Variants in AGMO observed in about 807,000 individuals in gnomAD.
AGMO encodes the protein glyceryl-ether monooxygenase.
In AGMO, 75 loss-of-function variants were observed where a neutral mutation model predicts 60.2. The observed-to-expected ratio is 1.25, with a 90% CI of 1.03 to 1.51. The LOEUF (loss-of-function observed/expected upper bound fraction) is 1.51. AGMO is among the 40% of genes most tolerant of loss of function. The pLI is 0.00. For synonymous variants in AGMO, 261 were observed against 177.1 expected (o/e 1.47, Z -3.76); for missense variants, 763 against 525.5 (o/e 1.45, Z -4.42).
intron 3 of AGMO, among the ~76,000 whole-genome samples, chr7:15,472,096 TATC>T (rs1782463183): frequency 6.6e-6 from 1 of 151,924 alleles, no homozygotes; most frequent in Non-Finnish European, 1.5e-5. Flanking sequence ...TATTAAATTC[TATC>T]ATCTCATGGT....
intron 12 of AGMO, among the ~76,000 whole-genome samples, chr7:15,254,109 T>G: frequency 6.6e-6 from 1 of 152,232 alleles, no homozygotes; most frequent in Admixed American, 6.5e-5. Context: ...ATATTTTCTT[T>G]TTATTCTTTC....
intron 6 of AGMO, among the ~76,000 whole-genome samples, chr7:15,393,268 CTTCAGGGA>C (rs1214287363): frequency 1.4e-4 from 21 of 152,280 alleles, no homozygotes; most frequent in Admixed American, 5.2e-4. Context: ...AAAGGCAGGG[CTTCAGGGA>C]TTCAGGGTTG....
chr7:15,401,494 C>T (rs377688640), intron 5 of AGMO, among the ~76,000 whole-genome samples: 1 of 152,088 alleles, frequency 6.6e-6, no homozygotes, highest in South Asian at 2.1e-4. Flanking sequence ...CTCCTCTTAC[C>T]TCATTCTGAC....
At chr7:15,354,396 ACG>A (rs1583446521) in intron 12 of AGMO, among the ~76,000 whole-genome samples, 4 of 33,172 alleles carry the variant, frequency 1.2e-4, no homozygotes, top group African/African-American at 1.1e-3. Flanking sequence ...GTGTGTATAC[ACG>A]TGTGTGTACA....
At chr7:15,308,437 T>C (rs1780676677) in intron 12 of AGMO, among the ~76,000 whole-genome samples, 1 of 152,138 alleles carries the variant, frequency 6.6e-6, no homozygotes, top group Non-Finnish European at 1.5e-5. Context: ...CTCTATACTC[T>C]TACAGCGTTT....
intron 12 of AGMO, among the ~76,000 whole-genome samples, chr7:15,350,285 G>A (rs1386016124): frequency 6.6e-6 from 1 of 152,078 alleles, no homozygotes; most frequent in South Asian, 2.1e-4. Flanking sequence ...ATAAAATTAT[G>A]TATAAATATT....
chr7:15,365,431 A>G, intron 12 of AGMO, 83 bp downstream of exon 12: 1 of 702,512 alleles, frequency 1.4e-6, no homozygotes, highest in Non-Finnish European at 2.3e-6. Context: ...TCAGAAATGA[A>G]GTAGAGAAAA....
At chr7:15,415,514 G>A (rs1780740098) in intron 5 of AGMO, among the ~76,000 whole-genome samples, 2 of 151,900 alleles carry the variant, frequency 1.3e-5, no homozygotes, top group Non-Finnish European at 2.9e-5. Flanking sequence ...CTGTACTCCA[G>A]CCTGGCAACA....
intron 10 of AGMO, 130 bp downstream of exon 10, chr7:15,385,316 G>C (rs957097615): frequency 1.7e-5 from 10 of 596,340 alleles, no homozygotes; most frequent in African/African-American, 7.7e-5. Context: ...ATTTAAATGT[G>C]AGACGTTGCC....
intron 10 of AGMO, among the ~76,000 whole-genome samples, chr7:15,384,326 G>C: frequency 6.6e-6 from 1 of 152,238 alleles, no homozygotes; most frequent in South Asian, 2.1e-4. Flanking sequence ...TATTTTTAAA[G>C]TTTATTTTAA....
At chr7:15,534,328 C>G (rs1043080000) in intron 3 of AGMO, among the ~76,000 whole-genome samples, 1 of 151,798 alleles carries the variant, frequency 6.6e-6, no homozygotes, top group Non-Finnish European at 1.5e-5. Context: ...TCATGTAAAT[C>G]TTTAAAATAG....
chr7:15,364,365 T>A (rs1039413861), intron 12 of AGMO, among the ~76,000 whole-genome samples: 4 of 152,078 alleles, frequency 2.6e-5, no homozygotes, highest in African/African-American at 9.7e-5. Context: ...TTTATACTTA[T>A]GTGCACTGTA....
At position 15,498,606 on chromosome 7, in the gene AGMO, C is replaced by A. The variant is rs1241473358; in HGVS notation, c.409+46166G>T. On this transcript the variant is annotated intron_variant, in intron 3 of 12. Coordinates refer to ENST00000342526, the MANE Select transcript of AGMO (RefSeq NM_001004320.2). ...AATTGGAAAATTAAATTTATGGATGCACTGACCAAATCAAAACAATGTGCT... is the reference window on the plus strand; with the variant it reads ...AATTGGAAAATTAAATTTATGGATGAACTGACCAAATCAAAACAATGTGCT... Among the ~76,000 whole-genome samples the A allele has an allele frequency of 2.6e-5, 4 of 151,924 alleles. No homozygotes were observed. In the South Asian group the frequency reaches 8.3e-4, roughly 31 times the overall value.
At chr7:15,292,413 G>A (rs879533693) in intron 12 of AGMO, among the ~76,000 whole-genome samples, 9 of 152,144 alleles carry the variant, frequency 5.9e-5, no homozygotes, top group African/African-American at 2.2e-4. Context: ...GCGTTTGGGT[G>A]ATAAGAGCAA....
chr7:15,500,172 G>A (rs906599644), intron 3 of AGMO, among the ~76,000 whole-genome samples: 3 of 151,688 alleles, frequency 2.0e-5, no homozygotes, highest in Admixed American at 6.6e-5. Flanking sequence ...ATTAAAAATA[G>A]TTAACAAATG....
intron 3 of AGMO, among the ~76,000 whole-genome samples, chr7:15,531,647 A>ATCT (rs1784367874): frequency 1.1e-5 from 1 of 93,206 alleles, no homozygotes; most frequent in African/African-American, 4.1e-5. Flanking sequence ...ATATATAGAA[A>ATCT]ATATAAATAT....
chr7:15,256,680 A>G (rs369241321), intron 12 of AGMO, among the ~76,000 whole-genome samples: 3 of 152,144 alleles, frequency 2.0e-5, no homozygotes, highest in Admixed American at 6.5e-5. Flanking sequence ...AAAAATTTCT[A>G]TCATCTACTG....
At chr7:15,277,531 G>GA (rs1471418978) in intron 12 of AGMO, among the ~76,000 whole-genome samples, 2 of 141,516 alleles carry the variant, frequency 1.4e-5, no homozygotes, top group Admixed American at 7.2e-5. Context: ...ATTTGGATTG[G>GA]ATTTTTTTTT....
chr7:15,322,977 A>AT (rs376655680), intron 12 of AGMO, among the ~76,000 whole-genome samples: 1,379 of 122,072 alleles, frequency 0.011, 19 homozygotes, highest in African/African-American at 0.046. Flanking sequence ...GTATATATAT[A>AT]TGTATTTATT....
Sources: allele counts gnomAD v4.1 joint callset (sites outside exome capture counted in the v4.1 genomes callset), GRCh38; gene constraint gnomAD v4.1.1; transcripts MANE v1.5; gene names NCBI Gene and HGNC (gene_info 2026-07-23, HGNC 2026-07-21).